FBN2: variants seen among roughly 807,000 people sequenced by gnomAD.
The protein encoded by FBN2 is fibrillin 2.
A neutral mutation model predicts 355.6 loss-of-function variants in FBN2; 105 were observed. That is an observed-to-expected ratio of 0.30 (90% CI 0.25 to 0.35). The LOEUF (loss-of-function observed/expected upper bound fraction) is 0.35. Ranked by LOEUF, FBN2 falls within the 10% of genes least tolerant of loss-of-function variation. FBN2 has a pLI of 1.00. For synonymous variants in FBN2, 1,350 were observed against 1,301.2 expected, an observed-to-expected ratio of 1.04 and a Z score of -0.81; for missense variants, 3,280 against 3,758.7, an observed-to-expected ratio of 0.87 and a Z score of 3.33.
In FBN2 at chr5:128,415,165, G is replaced by A. The variant is rs544625254; in HGVS notation, c.953-6366C>T. The stretch of plus-strand genomic sequence containing the variant: ...GTAATGATCAAGTCAGGGCATTTAG[G>A]GTATCCCTCACATCTTGACTATCAT... On this transcript the variant is annotated intron_variant, in intron 7 of 64. Transcript: ENST00000262464. Among the ~76,000 whole-genome samples the A allele has an allele frequency of 2.8e-3, 428 of 152,036 alleles. 1 individual carries two copies. The highest frequency in any genetic ancestry group is 0.01 in the Middle Eastern group (3 of 294).
intron 5 of FBN2, among the ~76,000 whole-genome samples, chr5:128,506,869 T>C (rs898243687): frequency 3.3e-5 from 5 of 152,126 alleles, no homozygotes; most frequent in Non-Finnish European, 7.4e-5. Context: ...AGATGAACAC[T>C]CTGATTTTTT....
At chr5:128,374,786 G>T in intron 14 of FBN2, 36 bp from the exon 15 acceptor site, 1 of 1,612,818 alleles carries the variant, frequency 6.2e-7, no homozygotes, top group South Asian at 1.1e-5. Flanking sequence ...GCAGTTACTG[G>T]GTAAATTTAA....
intron 16 of FBN2, among the ~76,000 whole-genome samples, chr5:128,368,267 T>C (rs1399967828): frequency 6.6e-6 from 1 of 151,966 alleles, no homozygotes; most frequent in African/African-American, 2.4e-5. Context: ...ATTCAATATA[T>C]ATTCAATACA....
intron 27 of FBN2, among the ~76,000 whole-genome samples, chr5:128,337,628 G>A (rs1339632286): frequency 6.6e-6 from 1 of 152,234 alleles, no homozygotes; most frequent in African/African-American, 2.4e-5. Flanking sequence ...AGGCACAGGG[G>A]CGTAGAGCGG....
At chr5:128,533,706 G>A (rs1418205185) in intron 2 of FBN2, among the ~76,000 whole-genome samples, 3 of 152,002 alleles carry the variant, frequency 2.0e-5, no homozygotes, top group African/African-American at 4.8e-5. Context: ...GAATTATACC[G>A]GAATGCTCTG....
chr5:128,287,318 C>A lies in FBN2; in HGVS notation c.6870G>T (p.Lys2290Asn). Residue 2290 changes from lysine (K) to asparagine (N), a missense_variant, in exon 54 of 65, where the codon AAG becomes AAT. By Grantham distance (94) the Lys-to-Asn change is moderately conservative. Around this residue, in one of 6 missense-constraint regions of FBN2, gnomAD observed 2,284 missense variants for 2,749.5 expected, o/e 0.83. Coordinates refer to ENST00000262464, the MANE Select transcript of FBN2 (RefSeq NM_001999.4). The part of the protein sequence containing the change: ...PIGYALREDQ[K>N]MCKDLDECAE... ...AGTCTGAGGCCTTACCTTTGCACATCTTTTGATCTTCCCTGAGGGCATAGC... is the reference window on the plus strand; with the variant it reads ...AGTCTGAGGCCTTACCTTTGCACATATTTTGATCTTCCCTGAGGGCATAGC... 3.1e-6 allele frequency: 5 copies of A among 1,613,966 alleles called. No individual in the cohort carries two copies. Among genetic ancestry groups the A allele is most frequent in the Non-Finnish European group, 3.4e-6 (4 of 1,179,860 alleles).
rs1561789613 is a variant in FBN2, at chr5:128,361,844, A to G, written c.2433T>C (p.Ile811=). The G allele has an allele frequency of 6.2e-7, 1 of 1,614,058 alleles. No individual in the cohort carries two copies. The highest frequency in any genetic ancestry group is 2.2e-5 in the East Asian group (1 of 44,876). ...PDASGRNCID[I]DECLVNRLLC... is the part of the protein sequence containing the mutation. ...GCAGTCTGTTTACTAAACATTCATC[A>G]ATGTCTGAAAGCAACGATTGAAAGA... The change falls in exon 19 of 65, where the codon ATT becomes ATC. Residue 811 remains isoleucine, a synonymous_variant. Coordinates refer to ENST00000262464, the MANE Select transcript of FBN2 (RefSeq NM_001999.4).
intron 7 of FBN2, among the ~76,000 whole-genome samples, chr5:128,433,981 G>T (rs1753700610): frequency 6.6e-6 from 1 of 151,958 alleles, no homozygotes; most frequent in African/African-American, 2.4e-5. Flanking sequence ...TATTGATTTT[G>T]TGTCTTCTAA....
intron 11 of FBN2, among the ~76,000 whole-genome samples, chr5:128,389,564 C>T (rs549692213): frequency 6.6e-6 from 1 of 152,282 alleles, no homozygotes; most frequent in South Asian, 2.1e-4. Context: ...TCAACCAAGG[C>T]CAAAGCCCCC....
intron 5 of FBN2, among the ~76,000 whole-genome samples, chr5:128,503,788 T>C (rs1034017041): frequency 6.6e-6 from 1 of 152,156 alleles, no homozygotes; most frequent in Non-Finnish European, 1.5e-5. Flanking sequence ...AAGCCAGCTG[T>C]AGAAATTTGC....
intron 1 of FBN2, 25 bp downstream of exon 1, chr5:128,537,325 G>A (rs767276114): frequency 1.2e-6 from 2 of 1,608,400 alleles, no homozygotes; most frequent in Admixed American, 3.3e-5. Context: ...CGGAGCCCTA[G>A]GTGCGGAGCC....
At chr5:128,516,190 A>G (rs917599579) in intron 5 of FBN2, among the ~76,000 whole-genome samples, 1 of 152,176 alleles carries the variant, frequency 6.6e-6, no homozygotes, top group African/African-American at 2.4e-5. Context: ...AAAACCCATC[A>G]GGTCTTACCA....
chr5:128,490,844 A>G (rs1050330741), intron 5 of FBN2, among the ~76,000 whole-genome samples: 18 of 152,346 alleles, frequency 1.2e-4, no homozygotes, highest in Admixed American at 7.2e-4. Context: ...TAAAATTTCT[A>G]CTTTACTGAT....
intron 64 of FBN2, among the ~76,000 whole-genome samples, chr5:128,260,224 T>C (rs78246317): frequency 0.026 from 3,942 of 152,142 alleles, 136 homozygotes; most frequent in African/African-American, 0.07. Context: ...AAATAAGAAG[T>C]ACTGCTGTTG....
chr5:128,452,212 A>C (rs1375703527), intron 6 of FBN2, among the ~76,000 whole-genome samples: 1 of 152,160 alleles, frequency 6.6e-6, no homozygotes, highest in Non-Finnish European at 1.5e-5. Flanking sequence ...GCAACTACTA[A>C]TGATTGATTA....
At chr5:128,371,458 C>CTTTT (rs1561423278) in intron 15 of FBN2, among the ~76,000 whole-genome samples, 131 of 89,240 alleles carry the variant, frequency 1.5e-3, no homozygotes, top group African/African-American at 7.5e-3. Flanking sequence ...CTCTTTTTCT[C>CTTTT]CTTCCTTCCT....
chr5:128,479,976 C>CTATATA (rs200921131), intron 5 of FBN2, among the ~76,000 whole-genome samples: 3 of 29,068 alleles, frequency 1.0e-4, no homozygotes, highest in Non-Finnish European at 1.7e-4. Flanking sequence ...CTCTCTCTCT[C>CTATATA]TATATATATA....
At chr5:128,286,156 G>A (rs780428801) in intron 55 of FBN2, among the ~76,000 whole-genome samples, 13 of 152,176 alleles carry the variant, frequency 8.5e-5, no homozygotes, top group Non-Finnish European at 1.5e-4. Context: ...TCCTATGTAC[G>A]TCTATTTTTA....
At chr5:128,418,193 GATTA>G (rs1753255366) in intron 7 of FBN2, among the ~76,000 whole-genome samples, 1 of 151,888 alleles carries the variant, frequency 6.6e-6, no homozygotes, top group Non-Finnish European at 1.5e-5. Context: ...TTCTAATTTT[GATTA>G]GTTAGTCATC....
Sources: allele counts gnomAD v4.1 joint callset (sites outside exome capture counted in the v4.1 genomes callset), GRCh38; gene constraint gnomAD v4.1.1; regional missense constraint gnomAD v4.1.1; transcripts MANE v1.5; gene names NCBI Gene and HGNC (gene_info 2026-07-23, HGNC 2026-07-21).